Variants in SOX13 observed in about 807,000 individuals in gnomAD.
SOX13 encodes the protein transcription factor SOX-13.
A neutral mutation model predicts 71.8 loss-of-function variants in SOX13; 28 were observed. The ratio of observed to expected loss-of-function variants is 0.39; its 90% confidence interval spans 0.29 to 0.53. The LOEUF (loss-of-function observed/expected upper bound fraction) is 0.53, where lower values mean the gene tolerates loss of function less well. Ranked by LOEUF, SOX13 falls within the 20% of genes least tolerant of loss-of-function variation. The pLI, the probability that SOX13 is intolerant of heterozygous loss-of-function variation, is 0.70. For missense variants in SOX13, 627 were observed against 810.3 expected, an observed-to-expected ratio of 0.77 and a Z score of 2.75; for synonymous variants, 309 against 317.8, an observed-to-expected ratio of 0.97 and a Z score of 0.29.
intron 1 of SOX13, among the ~76,000 whole-genome samples, chr1:204,089,332 C>T (rs1656092419): frequency 6.6e-6 from 1 of 152,172 alleles, no homozygotes. Flanking sequence ...CTCTGGACAG[C>T]ATGGCATTCC....
At chr1:204,079,564 C>T (rs934445055) in intron 1 of SOX13, among the ~76,000 whole-genome samples, 2 of 152,010 alleles carry the variant, frequency 1.3e-5, no homozygotes, top group African/African-American at 2.4e-5. Flanking sequence ...CATGGCTGGT[C>T]TCGAACCCCC....
intron 1 of SOX13, among the ~76,000 whole-genome samples, chr1:204,097,813 T>A (rs1193961508): frequency 1.3e-5 from 2 of 152,098 alleles, no homozygotes; most frequent in Non-Finnish European, 2.9e-5. Context: ...GGCCACCTCC[T>A]GGATGGATGT....
At position 204,117,115 on chromosome 1, in the gene SOX13, C is replaced by T. The variant is rs202011853; in HGVS notation, c.592-7C>T. 1.4e-4 allele frequency: 225 copies of T among 1,613,818 alleles called. No individual in the cohort carries two copies. In the Middle Eastern group the frequency reaches 2.5e-3, roughly 18 times the overall value. ...GACCCCCTCTGCCTACTCTTTCCCT[C>T]TCCCAGATTGCAAAGCAGCAGCAGC... On this transcript the variant is annotated splice_region_variant and splice_polypyrimidine_tract_variant and intron_variant, in intron 5 of 13. Transcript: ENST00000367204.
chr1:204,116,470 A>G (rs1470459846), intron 4 of SOX13, 37 bp from the exon 5 acceptor site: 4 of 1,613,074 alleles, frequency 2.5e-6, no homozygotes, highest in East Asian at 4.5e-5. Context: ...ATGAACAAGT[A>G]AAAAGTCTCA....
chr1:204,092,950 G>C (rs60452110), intron 1 of SOX13, among the ~76,000 whole-genome samples: 2 of 152,346 alleles, frequency 1.3e-5, no homozygotes, highest in East Asian at 3.9e-4. Flanking sequence ...CTTGAGAAGA[G>C]AGAACATTAG....
chr1:204,125,166 G>A (rs1234355797), intron 13 of SOX13, among the ~76,000 whole-genome samples: 1 of 152,106 alleles, frequency 6.6e-6, no homozygotes, highest in East Asian at 1.9e-4. Flanking sequence ...GAAATTCAGA[G>A]GTGCTAGAAA....
At chr1:204,074,384 T>C (rs1282384315) in intron 1 of SOX13, 1 of 140,530 alleles carries the variant, frequency 7.1e-6, no homozygotes, top group Non-Finnish European at 1.5e-5. Flanking sequence ...CCCTGGGATA[T>C]CGTAGGTGAG....
intron 1 of SOX13, among the ~76,000 whole-genome samples, chr1:204,076,676 C>A (rs536365839): frequency 6.1e-4 from 93 of 152,322 alleles, no homozygotes; most frequent in Admixed American, 1.5e-3. Flanking sequence ...AGGCTCCTGT[C>A]CTCCTTTCTC....
At chr1:204,102,523 GT>G (rs1254656943) in intron 1 of SOX13, among the ~76,000 whole-genome samples, 1 of 152,166 alleles carries the variant, frequency 6.6e-6, no homozygotes, top group East Asian at 2.0e-4. Flanking sequence ...TGTTTGCACT[GT>G]GGGGCACCTG....
chr1:204,084,736 T>C (rs1655982400), intron 1 of SOX13, among the ~76,000 whole-genome samples: 1 of 152,152 alleles, frequency 6.6e-6, no homozygotes, highest in Non-Finnish European at 1.5e-5. Flanking sequence ...CAGAGATCAG[T>C]GACCAGGTCA....
chr1:204,122,291 A>G lies in SOX13; in HGVS notation c.916A>G (p.Asn306Asp). The G allele has an allele frequency of 1.3e-6, 2 of 1,586,506 alleles. No homozygotes were observed. Among genetic ancestry groups the G allele is most frequent in the Non-Finnish European group, 1.7e-6 (2 of 1,166,936 alleles). ...CAAGCCCAAGGCCCCCGAGCTGCCCAACACCTCCAGCTCCCCAAGCCTGAA... is the reference window on the plus strand; with the variant it reads ...CAAGCCCAAGGCCCCCGAGCTGCCCGACACCTCCAGCTCCCCAAGCCTGAA... ...TAKPKAPELPNTSSSPSLKMS... is the reference protein window; with the variant it reads ...TAKPKAPELPDTSSSPSLKMS... Residue 306 changes from asparagine (N) to aspartate (D), a missense_variant, in exon 9 of 14, where the codon AAC becomes GAC. Around this residue, in one of 3 missense-constraint regions of SOX13, gnomAD observed 447 missense variants for 532.2 expected, o/e 0.84. Coordinates refer to ENST00000367204, the MANE Select transcript of SOX13 (RefSeq NM_005686.3).
In SOX13 at chr1:204,114,538, G is replaced by A. The variant is rs200756176; in HGVS notation, c.351G>A (p.Lys117=). The change falls in exon 4 of 14, where the codon AAG becomes AAA. Residue 117 remains lysine, a synonymous_variant. Coordinates refer to ENST00000367204, the MANE Select transcript of SOX13 (RefSeq NM_005686.3). ...TTCCAGTGGTGCCAGCCATAGAGAA[G>A]CTGTTGTCCAGTGACTGGAAGGAGA... ...NLKEVVPAIE[K]LLSSDWKERF... 100 of 1,613,764 alleles carry A rather than the reference G, an allele frequency of 6.2e-5. No individual in the cohort carries two copies. Among genetic ancestry groups the A allele is most frequent in the Non-Finnish European group, 8.2e-5 (97 of 1,179,788 alleles).
chr1:204,123,642 C>T lies in SOX13; in HGVS notation c.1232-19C>T, dbSNP rs759178172. On this transcript the variant is annotated intron_variant, in intron 11 of 13. Transcript: ENST00000367204. The surrounding 1 kb of genome is among the most constrained non-coding windows in gnomAD (Gnocchi z 5.0). ...GACCCCAGACAGGCTGCTTGGCTGA[C>T]TTCACTCCTGTCTCCCAGGCTCCCG... 36 of 1,610,644 alleles carry T rather than the reference C, an allele frequency of 2.2e-5. No individual in the cohort carries two copies. Among genetic ancestry groups the T allele is most frequent in the Non-Finnish European group, 2.8e-5 (33 of 1,178,604 alleles).
At chr1:204,125,766 G>A (rs1656906078) in intron 13 of SOX13, 92 bp from the exon 14 acceptor site, 13 of 1,342,042 alleles carry the variant, frequency 9.7e-6, no homozygotes, top group Non-Finnish European at 1.3e-5. Context: ...GTGTGGAGTG[G>A]GAGTGCATGC....
intron 13 of SOX13, 84 bp from the exon 14 acceptor site, chr1:204,125,774 T>A (rs2692010): frequency 7.0e-7 from 1 of 1,428,370 alleles, no homozygotes; most frequent in Non-Finnish European, 9.4e-7. Context: ...TGGGAGTGCA[T>A]GCTCTGAGGA....
chr1:204,122,380 C>A lies in SOX13; in HGVS notation c.1005C>A (p.Ser335Arg), dbSNP rs1571595182. The change falls in exon 9 of 14, where the codon AGC becomes AGA. Residue 335 changes from serine to arginine, a missense_variant. Around this residue, in one of 3 missense-constraint regions of SOX13, gnomAD observed 447 missense variants for 532.2 expected, o/e 0.84. Transcript: ENST00000367204. ...GCCCCACGCGGGACCTGCAGTCCAG[C>A]CCCCCGAGCCTGCCTCTGGGTAAGC... ...HGGPTRDLQS[S>R]PPSLPLGFLG... 6.4e-7 allele frequency: 1 copy of A among 1,562,722 alleles called. No individual in the cohort carries two copies. Among genetic ancestry groups the A allele is most frequent in the Admixed American group, 1.9e-5 (1 of 52,690 alleles).
In SOX13 at chr1:204,073,810, G is replaced by C. The variant is rs1458804224; in HGVS notation, c.-2+99G>C. The C allele has an allele frequency of 6.6e-6, 1 of 152,230 alleles. No individual in the cohort carries two copies. The highest frequency in any genetic ancestry group is 1.5e-5 in the Non-Finnish European group (1 of 68,116). The allele number at this position is 152,230 out of a possible 1,614,324, so 9.4% of individuals were successfully genotyped here. A position where few individuals can be genotyped will look rare whatever the true frequency, so the allele number is the denominator to read the frequency against. On this transcript the variant is annotated intron_variant, in intron 1 of 13. Coordinates refer to ENST00000367204, the MANE Select transcript of SOX13 (RefSeq NM_005686.3). The surrounding 1 kb of genome is among the most constrained non-coding windows in gnomAD (Gnocchi z 6.8). ...GCCCCTACGTTTCTGGGCACCCACCGGCTCTCTTCCCTGCGAGTTTCCACC... is the reference window on the plus strand; with the variant it reads ...GCCCCTACGTTTCTGGGCACCCACCCGCTCTCTTCCCTGCGAGTTTCCACC...
Position 204,097,229 on chromosome 1 carries a change from G to T in SOX13, c.-1-15686G>T, listed in dbSNP as rs1381791300. ...TCAGTAATGTGAAATTGGAAGAGTT[G>T]AATCATTTCAACCACGGGGCATGGG... On this transcript the variant is annotated intron_variant, in intron 1 of 13. Transcript: ENST00000367204. Among the ~76,000 whole-genome samples, 5 of 152,172 alleles carry T rather than the reference G, an allele frequency of 3.3e-5. No homozygotes were observed. The East Asian group carries it at 9.6e-4, about 29-fold the overall frequency.
At position 204,122,946 on chromosome 1, in the gene SOX13, A is replaced by C. The variant is rs1656840482; in HGVS notation, c.1117A>C (p.Asn373His). Residue 373 changes from asparagine (N) to histidine (H), a missense_variant, in exon 10 of 14, where the codon AAC becomes CAC. Asn to His is a moderately conservative substitution (Grantham distance 68, BLOSUM62 1). Coordinates refer to ENST00000367204, the MANE Select transcript of SOX13 (RefSeq NM_005686.3). Reference protein sequence around the residue: ...SHSGALDGSPNTPFRKDLISL... With the variant: ...SHSGALDGSPHTPFRKDLISL... ...CAGTGGGGCCTTGGATGGCTCCCCC[A>C]ACACCCCCTTCCGTAAGGTATGGTC... The C allele has an allele frequency of 6.3e-7, 1 of 1,588,238 alleles. No homozygotes were observed. Among genetic ancestry groups the C allele is most frequent in the Non-Finnish European group, 8.6e-7 (1 of 1,165,042 alleles).
Sources: allele counts gnomAD v4.1 joint callset (sites outside exome capture counted in the v4.1 genomes callset), GRCh38; gene constraint gnomAD v4.1.1; regional missense constraint gnomAD v4.1.1; non-coding constraint Gnocchi (gnomAD v3.1); transcripts MANE v1.5; gene names NCBI Gene and HGNC (gene_info 2026-07-23, HGNC 2026-07-21).